NFIX: variants seen among roughly 807,000 people sequenced by gnomAD.
The protein encoded by NFIX is nuclear factor 1 X-type.
A neutral mutation model predicts 53.3 loss-of-function variants in NFIX; 2 were observed. That is an observed-to-expected ratio of 0.04 (90% CI 0.02 to 0.12). NFIX has a LOEUF of 0.12. NFIX is among the 10% of genes least tolerant of loss of function. The pLI is 1.00. For synonymous variants in NFIX, 244 were observed against 289.0 expected (o/e 0.84, Z 1.58); for missense variants, 310 against 674.5 (o/e 0.46, Z 5.99).
rs2011757843 is a variant in NFIX, at chr19:13,002,385, C to T, written c.27+6521C>T. Among the ~76,000 whole-genome samples, 1 of 152,136 alleles carries T rather than the reference C, an allele frequency of 6.6e-6. No homozygotes were observed. Among genetic ancestry groups the T allele is most frequent in the Non-Finnish European group, 1.5e-5 (1 of 68,004 alleles). The stretch of plus-strand genomic sequence containing the variant: ...GCTAGCTCCCCAACCCCCCCTTCCT[C>T]ACCACCTCCCCCCTCCCGAGGAGCC... On this transcript the variant is annotated intron_variant, in intron 1 of 10. Coordinates refer to ENST00000592199, the MANE Select transcript of NFIX (RefSeq NM_001365902.3). The surrounding 1 kb of genome is among the most constrained non-coding windows in gnomAD (Gnocchi z 6.1).
intron 2 of NFIX, among the ~76,000 whole-genome samples, chr19:13,042,832 C>T (rs2014731869): frequency 6.8e-6 from 1 of 148,034 alleles, no homozygotes; most frequent in Non-Finnish European, 1.5e-5. Context: ...TATTTGTTAC[C>T]TTCAGCTAAT....
chr19:13,025,689 A>C lies in NFIX; in HGVS notation c.559+137A>C. 1.0e-6 allele frequency: 1 copy of C among 973,968 alleles called. No homozygotes were observed. The highest frequency in any genetic ancestry group is 1.5e-6 in the Non-Finnish European group (1 of 671,506). 60.3% of individuals were successfully genotyped at this position (973,968 alleles called of 1,614,324 possible). ...GTATGCCCGTCCTGCGGGGCCTGCA[A>C]CACGGTTCTATGGGCCCTTTTCCTT... On this transcript the variant is annotated intron_variant, in intron 2 of 10. Transcript: ENST00000592199. The surrounding 1 kb of genome is among the most constrained non-coding windows in gnomAD (Gnocchi z 7.5).
In NFIX at chr19:13,045,011, C is replaced by T. The variant is rs1389209820; in HGVS notation, c.559+19459C>T. ...GCTGTGGGATGACACGGGATGACTG[C>T]AGTACTGAGGATGGTGAGAACAGCG... On this transcript the variant is annotated intron_variant, in intron 2 of 10. Coordinates refer to ENST00000592199, the MANE Select transcript of NFIX (RefSeq NM_001365902.3). The surrounding 1 kb of genome is among the most constrained non-coding windows in gnomAD (Gnocchi z 4.4). Among the ~76,000 whole-genome samples the T allele has an allele frequency of 1.3e-5, 2 of 152,188 alleles. No homozygotes were observed. The highest frequency in any genetic ancestry group is 2.9e-5 in the Non-Finnish European group (2 of 68,024).
chr19:13,026,742 C>CTG (rs201556216), intron 2 of NFIX, among the ~76,000 whole-genome samples: 74 of 146,494 alleles, frequency 5.1e-4, no homozygotes, highest in African/African-American at 9.6e-4. Flanking sequence ...CTCTCTCTCT[C>CTG]TCTGTGTGTG....
chr19:13,032,901 G>A (rs1599753846), intron 2 of NFIX, among the ~76,000 whole-genome samples: 1 of 152,188 alleles, frequency 6.6e-6, no homozygotes, highest in Non-Finnish European at 1.5e-5. Flanking sequence ...AAGAAGAGGT[G>A]CAGCCTGCTG....
chr19:13,080,690 C>T (rs189446647), intron 7 of NFIX, among the ~76,000 whole-genome samples: 2,080 of 152,126 alleles, frequency 0.014, 20 homozygotes, highest in Non-Finnish European at 0.021. Context: ...GATGACAGGG[C>T]GAGATCCTGT....
In NFIX at chr19:13,094,704, GAGA is replaced by G; in HGVS notation, c.*60_*62del. 1 of 1,518,464 alleles carries G rather than the reference GAGA, an allele frequency of 6.6e-7. No homozygotes were observed. The highest frequency in any genetic ancestry group is 8.8e-7 in the Non-Finnish European group (1 of 1,131,284). 94.1% of individuals were successfully genotyped at this position (1,518,464 alleles called of 1,614,324 possible). On this transcript the variant is annotated 3_prime_UTR_variant, in exon 11 of 11. Transcript: ENST00000592199. The surrounding 1 kb of genome is among the most constrained non-coding windows in gnomAD (Gnocchi z 4.3). ...GAAGAAGAGGTTCCTCGAAAGGGGG[GAGA>G]AGAAATTTTGAGAATGGAAAAATCC...
chr19:13,019,808 C>G (rs1171975440), intron 1 of NFIX, among the ~76,000 whole-genome samples: 1 of 150,862 alleles, frequency 6.6e-6, no homozygotes, highest in Admixed American at 6.6e-5. Context: ...AGCAAAATCC[C>G]TTTCCACAAA....
In NFIX at chr19:13,045,083, C is replaced by T. The variant is rs1351079170; in HGVS notation, c.559+19531C>T. ...TACCTGGGAGCAGCACAGGGCTCAG[C>T]ACCCTGACCACATGGGCTCCATGCT... On this transcript the variant is annotated intron_variant, in intron 2 of 10. Coordinates refer to ENST00000592199, the MANE Select transcript of NFIX (RefSeq NM_001365902.3). This position sits in a 1 kb window ranked among gnomAD's most constrained non-coding sequence, Gnocchi z 4.4. Among the ~76,000 whole-genome samples the T allele has an allele frequency of 2.0e-5, 3 of 152,234 alleles. No homozygotes were observed. Among genetic ancestry groups the T allele is most frequent in the East Asian group, 3.8e-4 (2 of 5,202 alleles).
rs1475145942 is a variant in NFIX, at chr19:13,011,480, G to A, written c.28-13541G>A. Among the ~76,000 whole-genome samples, 1 of 152,012 alleles carries A rather than the reference G, an allele frequency of 6.6e-6. No individual in the cohort carries two copies. Among genetic ancestry groups the A allele is most frequent in the African/African-American group, 2.4e-5 (1 of 41,414 alleles). Reference sequence around the variant, plus strand: ...CCCGGGCGGTGGAGGCGAGTTCCCTGCGCGCATCATGGACTTCAGGAGTGA... The same window carrying A: ...CCCGGGCGGTGGAGGCGAGTTCCCTACGCGCATCATGGACTTCAGGAGTGA... On this transcript the variant is annotated intron_variant, in intron 1 of 10. Coordinates refer to ENST00000592199, the MANE Select transcript of NFIX (RefSeq NM_001365902.3). The surrounding 1 kb of genome is among the most constrained non-coding windows in gnomAD (Gnocchi z 6.5).
intron 2 of NFIX, among the ~76,000 whole-genome samples, chr19:13,039,228 C>CCCCCACACACA (rs796212249): frequency 6.9e-6 from 1 of 144,524 alleles, no homozygotes; most frequent in African/African-American, 2.8e-5. Flanking sequence ...ACACCCCCCC[C>CCCCCACACACA]CACACACACA....
At chr19:13,010,032 C>G (rs999644222) in intron 1 of NFIX, among the ~76,000 whole-genome samples, 1 of 152,192 alleles carries the variant, frequency 6.6e-6, no homozygotes, top group Admixed American at 6.5e-5. Context: ...CCTCCACCGC[C>G]CCAGGGGCCC....
Position 13,068,053 on chromosome 19 carries a change from C to G in NFIX, c.560-4994C>G, listed in dbSNP as rs181391756. ...CCAGGAGGTGGGGCTTGCAGTGAGC[C>G]GAGATCGCACCACTGCACTCCAGCC... On this transcript the variant is annotated intron_variant, in intron 2 of 10. Transcript: ENST00000592199. The surrounding 1 kb of genome is among the most constrained non-coding windows in gnomAD (Gnocchi z 4.2). 3.5e-3 allele frequency among the ~76,000 whole-genome samples: 528 copies of G among 151,590 alleles called. 6 individuals are homozygous for G. Among genetic ancestry groups the G allele is most frequent in the African/African-American group, 0.012 (512 of 41,298 alleles).
chr19:13,076,831 C>T (rs2145448899), intron 6 of NFIX, among the ~76,000 whole-genome samples: 1 of 152,170 alleles, frequency 6.6e-6, no homozygotes, highest in East Asian at 1.9e-4. Flanking sequence ...AGCTTCTCCT[C>T]CTCCTGGGAG....
chr19:13,065,688 T>C (rs945244869), intron 2 of NFIX, among the ~76,000 whole-genome samples: 7 of 152,110 alleles, frequency 4.6e-5, no homozygotes, highest in Non-Finnish European at 1.0e-4. Context: ...CTGCCTGTCA[T>C]CCCTTGGGGA....
At chr19:13,004,233 T>C (rs1568253310) in intron 1 of NFIX, among the ~76,000 whole-genome samples, 1 of 151,776 alleles carries the variant, frequency 6.6e-6, no homozygotes, top group African/African-American at 2.4e-5. Context: ...AACCCTGCCA[T>C]GCATCCCCAG....
Position 13,073,529 on chromosome 19 carries a change from G to A in NFIX, c.697+33G>A. The A allele has an allele frequency of 1.3e-6, 2 of 1,592,292 alleles. No homozygotes were observed. The highest frequency in any genetic ancestry group is 1.7e-6 in the Non-Finnish European group (2 of 1,160,222). ...AGTCCTTCCTTCCAGGCCAGGGATGGGGATTGAAAGTGAGGAGGTGGGACC... is the reference window on the plus strand; with the variant it reads ...AGTCCTTCCTTCCAGGCCAGGGATGAGGATTGAAAGTGAGGAGGTGGGACC... On this transcript the variant is annotated intron_variant, in intron 4 of 10. Transcript: ENST00000592199. The surrounding 1 kb of genome is among the most constrained non-coding windows in gnomAD (Gnocchi z 4.5).
intron 1 of NFIX, among the ~76,000 whole-genome samples, chr19:13,023,070 T>TTCTCTC (rs3840930): frequency 0.41 from 55,866 of 137,878 alleles, 11,969 homozygotes; most frequent in Non-Finnish European, 0.48. Flanking sequence ...TTCTCTCTCT[T>TTCTCTC]TCTCTCTCTC....
chr19:13,031,179 CAA>C (rs2013775526), intron 2 of NFIX, among the ~76,000 whole-genome samples: 2 of 152,230 alleles, frequency 1.3e-5, no homozygotes, highest in Non-Finnish European at 2.9e-5. Flanking sequence ...CCCAACCAGT[CAA>C]GAGCTCCCAT....
Sources: allele counts gnomAD v4.1 joint callset (sites outside exome capture counted in the v4.1 genomes callset), GRCh38; gene constraint gnomAD v4.1.1; non-coding constraint Gnocchi (gnomAD v3.1); transcripts MANE v1.5; gene names NCBI Gene and HGNC (gene_info 2026-07-23, HGNC 2026-07-21).